Variants in ECPAS observed in about 807,000 individuals in gnomAD.
ECPAS encodes proteasome adapter and scaffold protein ECM29.
Under a neutral mutation model 255.1 loss-of-function variants are expected in ECPAS, and 70 were observed. The observed-to-expected ratio is 0.27, with a 90% CI of 0.23 to 0.33. The LOEUF is 0.33. ECPAS is among the 10% of genes least tolerant of loss of function. The pLI, the probability that ECPAS is intolerant of heterozygous loss-of-function variation, is 1.00. For missense variants in ECPAS, 1,817 were observed against 2,206.4 expected (o/e 0.82, Z 3.54); for synonymous variants, 784 against 775.0 (o/e 1.01, Z -0.19).
At chr9:111,443,853 A>G (rs2098249304) in intron 4 of ECPAS, among the ~76,000 whole-genome samples, 1 of 152,202 alleles carries the variant, frequency 6.6e-6, no homozygotes, top group African/African-American at 2.4e-5. Context: ...TTTACATTTA[A>G]TTTTTATGAA....
intron 9 of ECPAS, among the ~76,000 whole-genome samples, chr9:111,428,727 A>G (rs771733897): frequency 5.9e-5 from 9 of 152,004 alleles, no homozygotes; most frequent in African/African-American, 2.2e-4. Flanking sequence ...ATTTCTTAAC[A>G]GTTAATTGCT....
intron 17 of ECPAS, 96 bp downstream of exon 17, chr9:111,417,787 G>A: frequency 1.7e-6 from 2 of 1,155,760 alleles, no homozygotes; most frequent in African/African-American, 1.6e-5. Flanking sequence ...AATTTTATGA[G>A]TCAACATCTA....
rs199539073 is a variant in ECPAS at position 111,413,635 on chromosome 9, C to CAA, written c.2079+258_2079+259dup. ...TACACAAATCTATTGCTTATTTTTT[C>CAA]AAAAAAAAAAAACTTTTGAAACAGA... On this transcript the variant is annotated intron_variant, in intron 20 of 49. Coordinates refer to ENST00000684092, the MANE Select transcript of ECPAS (RefSeq NM_001364929.1). Among the ~76,000 whole-genome samples the CAA allele has an allele frequency of 1.4e-4, 19 of 134,488 alleles. No individual in the cohort carries two copies. The East Asian group carries it at 2.1e-3, about 15-fold the overall frequency. The allele number at this position is 134,488 out of a possible 152,430, so 88.2% of individuals were successfully genotyped here.
At chr9:111,375,440 C>T (rs960430835) in intron 37 of ECPAS, among the ~76,000 whole-genome samples, 2 of 152,150 alleles carry the variant, frequency 1.3e-5, no homozygotes, top group African/African-American at 2.4e-5. Flanking sequence ...CATCAATTTG[C>T]TAAAAAAGAA....
intron 12 of ECPAS, among the ~76,000 whole-genome samples, chr9:111,424,006 T>C (rs953328986): frequency 1.4e-4 from 21 of 152,204 alleles, no homozygotes; most frequent in Admixed American, 1.4e-3. Context: ...CCCTGTGGTT[T>C]GTCTGGCCTC....
At chr9:111,376,325 A>C (rs1224285007) in intron 37 of ECPAS, 151 bp downstream of exon 37, 1 of 602,542 alleles carries the variant, frequency 1.7e-6, no homozygotes, top group Non-Finnish European at 3.0e-6. Context: ...CAGAGAAGAA[A>C]AGAGAAATAT....
rs768202544 is a variant in ECPAS, at chr9:111,370,422, C to G, written c.4974+13G>C. On this transcript the variant is annotated intron_variant, in intron 45 of 49. Transcript: ENST00000684092. ...AAAGTATAAACCAGAACTGAGGATA[C>G]AGGTGGTATTACCTTCTTGATGAGA... 2 of 1,530,300 alleles carry G rather than the reference C, an allele frequency of 1.3e-6. No homozygotes were observed. Among genetic ancestry groups the G allele is most frequent in the Middle Eastern group, 1.7e-4 (1 of 5,760 alleles). The allele number at this position is 1,530,300 out of a possible 1,614,324, so 94.8% of individuals were successfully genotyped here.
At chr9:111,385,713 C>G (rs2098147240) in intron 32 of ECPAS, among the ~76,000 whole-genome samples, 1 of 152,136 alleles carries the variant, frequency 6.6e-6, no homozygotes, top group African/African-American at 2.4e-5. Context: ...CAAGGCCTAG[C>G]ACACTGCCAC....
intron 10 of ECPAS, among the ~76,000 whole-genome samples, chr9:111,426,368 T>TA (rs774666781): frequency 0.013 from 1,477 of 115,848 alleles, 15 homozygotes; most frequent in African/African-American, 0.031. Context: ...TTACTTACAC[T>TA]AAAAAAAAAA....
chr9:111,421,891 AC>A (rs1564534099), intron 15 of ECPAS, 29 bp downstream of exon 15: 1 of 1,607,902 alleles, frequency 6.2e-7, no homozygotes, highest in South Asian at 1.1e-5. Flanking sequence ...ACCGTATACT[AC>A]CCAGGCTTTG....
At chr9:111,364,230 C>T (rs953419251) in intron 48 of ECPAS, among the ~76,000 whole-genome samples, 1 of 152,136 alleles carries the variant, frequency 6.6e-6, no homozygotes, top group African/African-American at 2.4e-5. Flanking sequence ...AATCAACACA[C>T]AACCAAGCCC....
chr9:111,389,955 T>A (rs368353686), intron 30 of ECPAS, 29 bp downstream of exon 30: 2 of 1,446,922 alleles, frequency 1.4e-6, no homozygotes, highest in African/African-American at 2.8e-5. Context: ...ATGAAAAAAA[T>A]AAATAATTGT....
intron 1 of ECPAS, among the ~76,000 whole-genome samples, chr9:111,474,848 G>A (rs1415337721): frequency 6.6e-6 from 1 of 152,196 alleles, no homozygotes; most frequent in East Asian, 1.9e-4. Context: ...GCAAAGGTAA[G>A]GTAATTTGTC....
At chr9:111,398,746 G>C (rs1263349593) in intron 24 of ECPAS, among the ~76,000 whole-genome samples, 5 of 152,108 alleles carry the variant, frequency 3.3e-5, no homozygotes, top group Non-Finnish European at 7.3e-5. Flanking sequence ...AGACCAGCCT[G>C]GCCAATATGG....
intron 41 of ECPAS, among the ~76,000 whole-genome samples, chr9:111,372,953 G>A (rs1479487994): frequency 2.0e-5 from 3 of 152,044 alleles, no homozygotes; most frequent in Non-Finnish European, 2.9e-5. Flanking sequence ...AATCGCTTGA[G>A]CCCAGGAGGC....
chr9:111,371,671 T>A lies in ECPAS; in HGVS notation c.4687A>T (p.Ile1563Leu), dbSNP rs2098127526. 7 of 1,613,754 alleles carry A rather than the reference T, an allele frequency of 4.3e-6. No individual in the cohort carries two copies. Among genetic ancestry groups the A allele is most frequent in the Admixed American group, 3.3e-5 (2 of 59,994 alleles). ...SSLVPPYLGM[I>L]LTALLQGLAG... ...AGGCCTTGCAGCAATGCGGTCAGTATCATTCCGAGATATGGAGGTACTAGA... is the reference window on the plus strand; with the variant it reads ...AGGCCTTGCAGCAATGCGGTCAGTAACATTCCGAGATATGGAGGTACTAGA... Residue 1563 changes from isoleucine to leucine, a missense_variant, in exon 43 of 50, where the codon ATA becomes TTA. Ile to Leu is a conservative substitution (Grantham distance 5). This residue lies in a region of ECPAS where 960 missense variants were observed against 1,179.0 expected (regional missense o/e 0.81). Coordinates refer to ENST00000684092, the MANE Select transcript of ECPAS (RefSeq NM_001364929.1).
At chr9:111,482,756 T>G (rs1377128721) in intron 1 of ECPAS, among the ~76,000 whole-genome samples, 1 of 152,162 alleles carries the variant, frequency 6.6e-6, no homozygotes, top group Non-Finnish European at 1.5e-5. Context: ...TCGGTATTTA[T>G]GACCCCAGCG....
At chr9:111,470,905 T>G (rs906157774) in intron 2 of ECPAS, among the ~76,000 whole-genome samples, 2 of 152,108 alleles carry the variant, frequency 1.3e-5, no homozygotes, top group African/African-American at 4.8e-5. Context: ...CACAAGGCCC[T>G]TTCCCCCAGA....
At chr9:111,405,139 C>A (rs1408077953) in intron 24 of ECPAS, among the ~76,000 whole-genome samples, 1 of 149,506 alleles carries the variant, frequency 6.7e-6, no homozygotes, top group East Asian at 2.0e-4. Context: ...AAGCCAGAGG[C>A]ATTGCATTAC....
Sources: allele counts gnomAD v4.1 joint callset (sites outside exome capture counted in the v4.1 genomes callset), GRCh38; gene constraint gnomAD v4.1.1; regional missense constraint gnomAD v4.1.1; transcripts MANE v1.5; gene names NCBI Gene and HGNC (gene_info 2026-07-23, HGNC 2026-07-21).